The following FHIT variants were observed in gnomAD, a reference collection of about 807,000 sequenced individuals.
FHIT encodes fragile histidine triad diadenosine triphosphatase.
Under a neutral mutation model 17.9 loss-of-function variants are expected in FHIT, and 19 were observed. That is an observed-to-expected ratio of 1.06 (90% confidence interval 0.74 to 1.56). The LOEUF (loss-of-function observed/expected upper bound fraction) is 1.56, where lower values mean the gene tolerates loss of function less well. Ranked by LOEUF, FHIT falls within the 40% of genes most tolerant of loss-of-function variation. The pLI is 0.00. For missense variants in FHIT, 248 were observed against 189.2 expected, an observed-to-expected ratio of 1.31 and a Z score of -1.82; for synonymous variants, 81 against 69.7, an observed-to-expected ratio of 1.16 and a Z score of -0.81.
At chr3:60,840,971 A>G (rs1010267682) in intron 3 of FHIT, among the ~76,000 whole-genome samples, 2 of 152,218 alleles carry the variant, frequency 1.3e-5, no homozygotes, top group South Asian at 2.1e-4. Flanking sequence ...GATAATAGAA[A>G]AGCAAATGAA....
At chr3:60,469,175 T>C (rs2032953481) in intron 5 of FHIT, among the ~76,000 whole-genome samples, 1 of 152,194 alleles carries the variant, frequency 6.6e-6, no homozygotes. Context: ...TCTATTACCT[T>C]CCTGTACTTA....
intron 7 of FHIT, among the ~76,000 whole-genome samples, chr3:59,990,557 C>T (rs1432899318): frequency 6.6e-6 from 1 of 152,042 alleles, no homozygotes; most frequent in African/African-American, 2.4e-5. Context: ...CTTAACTTGG[C>T]TCCCTAATTA....
intron 4 of FHIT, among the ~76,000 whole-genome samples, chr3:60,669,671 C>T (rs1016407891): frequency 1.4e-4 from 22 of 152,170 alleles, no homozygotes; most frequent in Non-Finnish European, 8.8e-5. Context: ...AACAACATTG[C>T]TGGGAATCCC....
intron 5 of FHIT, among the ~76,000 whole-genome samples, chr3:60,376,524 C>T (rs1295582372): frequency 2.0e-5 from 3 of 152,140 alleles, no homozygotes; most frequent in Non-Finnish European, 2.9e-5. Context: ...CTGCCTTCAG[C>T]AAAAGAGTCT....
chr3:60,327,659 C>G (rs1406255463), intron 5 of FHIT, among the ~76,000 whole-genome samples: 4 of 152,118 alleles, frequency 2.6e-5, no homozygotes, highest in Admixed American at 2.6e-4. Context: ...AAAGAAGACT[C>G]TCATAAAAGA....
At chr3:60,931,242 G>T (rs531201704) in intron 3 of FHIT, among the ~76,000 whole-genome samples, 1 of 151,902 alleles carries the variant, frequency 6.6e-6, no homozygotes, top group African/African-American at 2.4e-5. Context: ...GAGGGATAGC[G>T]TTAGGAGATA....
rs17063583 is a variant in FHIT at position 60,585,994 on chromosome 3, A to G, written c.-17-49015T>C. 5.5e-3 allele frequency among the ~76,000 whole-genome samples: 835 copies of G among 152,110 alleles called. 4 individuals are homozygous for G. Among genetic ancestry groups the G allele is most frequent in the African/African-American group, 0.019 (801 of 41,528 alleles). ...AGTATTATCCATACATTTTAAAACA[A>G]AAGAATTTTCTTCTCATGGAGAATC... is the stretch of plus-strand genomic sequence containing the variant. On this transcript the variant is annotated intron_variant, in intron 4 of 9. Transcript: ENST00000492590.
intron 3 of FHIT, among the ~76,000 whole-genome samples, chr3:60,959,465 T>C (rs1394253867): frequency 6.6e-6 from 1 of 152,180 alleles, no homozygotes; most frequent in Admixed American, 6.6e-5. Flanking sequence ...AGCTGGCAAC[T>C]GGACAAAAAC....
intron 5 of FHIT, among the ~76,000 whole-genome samples, chr3:60,134,921 A>T (rs901633810): frequency 4.6e-5 from 7 of 152,096 alleles, no homozygotes; most frequent in Non-Finnish European, 8.8e-5. Flanking sequence ...AGAGGCACAG[A>T]GCAAGCACTC....
intron 5 of FHIT, among the ~76,000 whole-genome samples, chr3:60,492,230 A>G (rs2107502623): frequency 6.6e-6 from 1 of 152,340 alleles, no homozygotes; most frequent in African/African-American, 2.4e-5. Context: ...AACAGGCAAC[A>G]TAACTGCAAG....
intron 1 of FHIT, among the ~76,000 whole-genome samples, chr3:61,202,509 TAA>T (rs35348304): frequency 7.6e-4 from 94 of 124,438 alleles, no homozygotes; most frequent in Admixed American, 1.5e-3. Flanking sequence ...ACTTTTTCGT[TAA>T]AAAAAAAAAA....
In FHIT at chr3:61,108,501, T is replaced by C. The variant is rs116434644; in HGVS notation, c.-163-66402A>G. 6.3e-3 allele frequency among the ~76,000 whole-genome samples: 965 copies of C among 152,280 alleles called. 5 individuals are homozygous for C. The highest frequency in any genetic ancestry group is 0.01 in the Non-Finnish European group (686 of 68,016). ...TAATAAATGAATGTTAATTACAGTATGTTTGGCAGTGATGAATGCTAGAGA... is the reference window on the plus strand; with the variant it reads ...TAATAAATGAATGTTAATTACAGTACGTTTGGCAGTGATGAATGCTAGAGA... On this transcript the variant is annotated intron_variant, in intron 2 of 9. Transcript: ENST00000492590.
At chr3:60,302,685 CAT>C (rs1559802585) in intron 5 of FHIT, among the ~76,000 whole-genome samples, 2 of 152,152 alleles carry the variant, frequency 1.3e-5, no homozygotes, top group African/African-American at 4.8e-5. Context: ...TTCCAACAAT[CAT>C]ATTTCACTGA....
chr3:60,574,207 T>TA (rs1197060348), intron 4 of FHIT, among the ~76,000 whole-genome samples: 3 of 152,078 alleles, frequency 2.0e-5, no homozygotes, highest in African/African-American at 7.2e-5. Context: ...TTGGAAGCTT[T>TA]TCAAGACACT....
chr3:60,780,926 C>A (rs1038510342), intron 4 of FHIT, among the ~76,000 whole-genome samples: 3 of 152,176 alleles, frequency 2.0e-5, no homozygotes, highest in Non-Finnish European at 4.4e-5. Flanking sequence ...GGGACTCTAG[C>A]CTTGCAGAGG....
intron 4 of FHIT, among the ~76,000 whole-genome samples, chr3:60,721,795 A>G (rs1488586922): frequency 1.3e-5 from 2 of 152,200 alleles, no homozygotes; most frequent in Non-Finnish European, 2.9e-5. Context: ...GAAAGGCACT[A>G]TAAAAAAGAG....
chr3:60,979,779 C>A (rs934689976), intron 3 of FHIT, among the ~76,000 whole-genome samples: 1 of 152,182 alleles, frequency 6.6e-6, no homozygotes, highest in South Asian at 2.1e-4. Flanking sequence ...ATCTGCATTC[C>A]GCTGTTCTCT....
intron 3 of FHIT, among the ~76,000 whole-genome samples, chr3:60,894,227 G>C (rs904829697): frequency 2.0e-5 from 3 of 152,186 alleles, no homozygotes; most frequent in Middle Eastern, 3.2e-3. Flanking sequence ...GCTATTGTTA[G>C]ATACAAATAA....
At chr3:59,885,260 G>A (rs574715076) in intron 8 of FHIT, among the ~76,000 whole-genome samples, 4 of 152,184 alleles carry the variant, frequency 2.6e-5, no homozygotes, top group African/African-American at 9.6e-5. Context: ...CTTCATCATG[G>A]TTCAACCTCA....
Sources: allele counts gnomAD v4.1 joint callset (sites outside exome capture counted in the v4.1 genomes callset), GRCh38; gene constraint gnomAD v4.1.1; transcripts MANE v1.5; gene names NCBI Gene and HGNC (gene_info 2026-07-23, HGNC 2026-07-21).